RFX3: variants seen among roughly 807,000 people sequenced by gnomAD.
RFX3 encodes the protein regulatory factor X3, also known as transcription factor RFX3.
A neutral mutation model predicts 98.6 loss-of-function variants in RFX3; 14 were observed. The observed-to-expected ratio is 0.14, with a 90% confidence interval of 0.09 to 0.22. RFX3 has a LOEUF of 0.22. Among genes scored for constraint, RFX3 ranks in the 10% least tolerant of loss-of-function variants. The pLI, the probability that RFX3 is intolerant of heterozygous loss-of-function variation, is 1.00. For synonymous variants in RFX3, 383 were observed against 328.4 expected (o/e 1.17, Z -1.80); for missense variants, 639 against 926.9 (o/e 0.69, Z 4.03).
intron 4 of RFX3, among the ~76,000 whole-genome samples, chr9:3,321,666 T>C (rs780211467): frequency 5.5e-4 from 84 of 152,332 alleles, no homozygotes; most frequent in Middle Eastern, 6.8e-3. Flanking sequence ...CCTTTGTTTA[T>C]TGTGGTTTTC....
chr9:3,350,388 G>A (rs1197939907), intron 2 of RFX3, among the ~76,000 whole-genome samples: 1 of 152,088 alleles, frequency 6.6e-6, no homozygotes, highest in Non-Finnish European at 1.5e-5. Flanking sequence ...GAATTAGAAT[G>A]GCCAAAATCC....
intron 2 of RFX3, among the ~76,000 whole-genome samples, chr9:3,364,999 A>G (rs909014957): frequency 2.0e-5 from 3 of 152,110 alleles, no homozygotes; most frequent in Admixed American, 1.3e-4. Flanking sequence ...TATAGAAAAC[A>G]GTTAAGTAAA....
At chr9:3,449,258 A>C (rs1159720230) in intron 1 of RFX3, among the ~76,000 whole-genome samples, 2 of 152,176 alleles carry the variant, frequency 1.3e-5, no homozygotes, top group African/African-American at 4.8e-5. Flanking sequence ...CTCTTCAAGC[A>C]TAGGTCTCAA....
intron 2 of RFX3, among the ~76,000 whole-genome samples, chr9:3,362,035 G>C (rs1587315075): frequency 6.6e-6 from 1 of 152,150 alleles, no homozygotes; most frequent in South Asian, 2.1e-4. Flanking sequence ...TGAATGTTTG[G>C]TATAATTTGT....
intron 1 of RFX3, among the ~76,000 whole-genome samples, chr9:3,424,674 TTAA>T (rs1292239320): frequency 6.6e-6 from 1 of 152,070 alleles, no homozygotes; most frequent in Non-Finnish European, 1.5e-5. Context: ...ATTGACTGTC[TTAA>T]TAATTAAAAA....
chr9:3,360,991 G>A (rs1188782715), intron 2 of RFX3, among the ~76,000 whole-genome samples: 2 of 152,128 alleles, frequency 1.3e-5, no homozygotes, highest in Non-Finnish European at 2.9e-5. Context: ...TCACACAGAA[G>A]AGCATTTCTT....
chr9:3,391,272 G>A (rs145649681), intron 2 of RFX3, among the ~76,000 whole-genome samples: 156 of 152,050 alleles, frequency 1.0e-3, no homozygotes, highest in African/African-American at 3.4e-3. Context: ...TTATATCCAC[G>A]GGGACACCAC....
At chr9:3,256,943 T>A in intron 14 of RFX3, 48 bp downstream of exon 14, 1 of 1,519,574 alleles carries the variant, frequency 6.6e-7, no homozygotes, top group Non-Finnish European at 9.1e-7. Context: ...TACACACACA[T>A]ATTTGCAGAA....
Position 3,280,597 on chromosome 9 carries a change from C to G in RFX3, c.852-3136G>C, listed in dbSNP as rs1394356639. ...AAGTCAAGAACAATCACATTAAAAA[C>G]AGGCTAAACAAATACCAGTAGCAAC... On this transcript the variant is annotated intron_variant, in intron 7 of 16. Coordinates refer to ENST00000617270, the MANE Select transcript of RFX3 (RefSeq NM_001282116.2). 3.3e-5 allele frequency among the ~76,000 whole-genome samples: 5 copies of G among 151,756 alleles called. No individual in the cohort carries two copies. The Admixed American group carries it at 3.3e-4, about 10-fold the overall frequency.
chr9:3,495,849 C>A (rs1025647036), intron 1 of RFX3, among the ~76,000 whole-genome samples: 1 of 151,988 alleles, frequency 6.6e-6, no homozygotes, highest in Non-Finnish European at 1.5e-5. Flanking sequence ...TATTTCAAAC[C>A]ACTTCTATTC....
intron 4 of RFX3, among the ~76,000 whole-genome samples, chr9:3,322,963 A>G (rs1380942788): frequency 1.3e-5 from 2 of 152,234 alleles, no homozygotes; most frequent in Non-Finnish European, 2.9e-5. Context: ...AAGACAGATG[A>G]AAAAGTCACT....
intron 13 of RFX3, among the ~76,000 whole-genome samples, chr9:3,261,797 C>T (rs934025417): frequency 6.6e-6 from 1 of 152,076 alleles, no homozygotes; most frequent in African/African-American, 2.4e-5. Flanking sequence ...TTCACATCCT[C>T]GCCAATAGGG....
At chr9:3,387,087 G>T (rs1444624835) in intron 2 of RFX3, among the ~76,000 whole-genome samples, 3 of 152,082 alleles carry the variant, frequency 2.0e-5, no homozygotes, top group Non-Finnish European at 2.9e-5. Context: ...CTTCCAGTTT[G>T]TTTTTCTTGT....
At chr9:3,419,179 A>C (rs1214651314) in intron 1 of RFX3, among the ~76,000 whole-genome samples, 1 of 152,042 alleles carries the variant, frequency 6.6e-6, no homozygotes, top group Admixed American at 6.6e-5. Flanking sequence ...CACAGTTCAC[A>C]TTTTTTTTAT....
At chr9:3,405,469 T>C (rs1024822244) in intron 1 of RFX3, among the ~76,000 whole-genome samples, 2 of 152,194 alleles carry the variant, frequency 1.3e-5, no homozygotes, top group Non-Finnish European at 2.9e-5. Context: ...CATGAAATCA[T>C]CAAAATTCAA....
chr9:3,505,416 T>C (rs1191979911), intron 1 of RFX3, among the ~76,000 whole-genome samples: 1 of 24,122 alleles, frequency 4.1e-5, no homozygotes, highest in African/African-American at 1.4e-4. Context: ...TTTATATTTA[T>C]ATAAAATATA....
intron 2 of RFX3, among the ~76,000 whole-genome samples, chr9:3,375,633 A>G (rs1838373891): frequency 6.6e-6 from 1 of 152,190 alleles, no homozygotes; most frequent in Non-Finnish European, 1.5e-5. Flanking sequence ...GGTTACTTAC[A>G]CCTATGTGAG....
intron 1 of RFX3, chr9:3,452,354 G>T: frequency 3.0e-6 from 1 of 329,814 alleles, no homozygotes; most frequent in Non-Finnish European, 6.5e-6. Context: ...GCTTTGGGAG[G>T]CCAAGGCAGG....
intron 5 of RFX3, 104 bp from the exon 6 acceptor site, chr9:3,293,362 T>A (rs185524297): frequency 1.2e-6 from 1 of 820,442 alleles, no homozygotes; most frequent in South Asian, 2.0e-5. Flanking sequence ...AAGTTCTTCA[T>A]CAAGTCTTAT....
Sources: gnomAD v4.1 joint callset for allele counts (sites outside exome capture counted in the v4.1 genomes callset) on GRCh38, gnomAD v4.1.1 for gene constraint, MANE v1.5 for transcripts, NCBI Gene and HGNC (gene_info 2026-07-23, HGNC 2026-07-21) for gene names.